Variants in ZNRF2 observed in about 807,000 individuals in gnomAD.
ZNRF2 encodes the protein E3 ubiquitin-protein ligase ZNRF2.
A neutral mutation model predicts 20.4 loss-of-function variants in ZNRF2; 16 were observed. The observed-to-expected ratio is 0.79, with a 90% CI of 0.53 to 1.19. The LOEUF (loss-of-function observed/expected upper bound fraction) is 1.19, where lower values mean the gene tolerates loss of function less well. Ranked by LOEUF, ZNRF2 falls within the 50% of genes most tolerant of loss-of-function variation. ZNRF2 has a pLI of 0.00. For missense variants in ZNRF2, 363 were observed against 332.4 expected, an observed-to-expected ratio of 1.09 and a Z score of -0.72; for synonymous variants, 178 against 144.9, an observed-to-expected ratio of 1.23 and a Z score of -1.64.
intron 3 of ZNRF2, among the ~76,000 whole-genome samples, chr7:30,361,265 G>T (rs1436448687): frequency 6.6e-6 from 1 of 152,184 alleles, no homozygotes; most frequent in Non-Finnish European, 1.5e-5. Context: ...AAGCCAAACT[G>T]GCTATATATT....
intron 2 of ZNRF2, among the ~76,000 whole-genome samples, chr7:30,340,666 C>T (rs768998170): frequency 4.6e-5 from 7 of 151,806 alleles, no homozygotes; most frequent in Non-Finnish European, 8.8e-5. Flanking sequence ...ATTTTCGCAT[C>T]GATGTTCATC....
intron 2 of ZNRF2, among the ~76,000 whole-genome samples, chr7:30,328,287 GGATTCC>G (rs1431638315): frequency 6.6e-6 from 1 of 152,050 alleles, no homozygotes; most frequent in African/African-American, 2.4e-5. Context: ...TTAGTCAACT[GGATTCC>G]TCACAATTTT....
chr7:30,324,330 T>C (rs1799519012), intron 2 of ZNRF2, among the ~76,000 whole-genome samples: 1 of 151,502 alleles, frequency 6.6e-6, no homozygotes, highest in Admixed American at 6.6e-5. Flanking sequence ...GATCCCAAGT[T>C]TGAGACCAGC....
chr7:30,338,686 T>A (rs1799753673), intron 2 of ZNRF2, among the ~76,000 whole-genome samples: 1 of 152,118 alleles, frequency 6.6e-6, no homozygotes, highest in South Asian at 2.1e-4. Flanking sequence ...TTGATGGCAT[T>A]TGGGTTGGTT....
chr7:30,322,900 A>G (rs934435856), intron 1 of ZNRF2, among the ~76,000 whole-genome samples: 5 of 152,196 alleles, frequency 3.3e-5, no homozygotes, highest in Non-Finnish European at 7.3e-5. Flanking sequence ...ACAGAGCTGA[A>G]TACATCAAAT....
chr7:30,352,128 C>T (rs1274491900), intron 2 of ZNRF2, among the ~76,000 whole-genome samples: 1 of 151,886 alleles, frequency 6.6e-6, no homozygotes, highest in Non-Finnish European at 1.5e-5. Context: ...AATTTCATCT[C>T]TAATATTTTG....
intron 2 of ZNRF2, among the ~76,000 whole-genome samples, chr7:30,336,280 G>A (rs1484121442): frequency 6.6e-6 from 1 of 152,048 alleles, no homozygotes; most frequent in Non-Finnish European, 1.5e-5. Context: ...ATTATCCGTA[G>A]CACTGCCTTG....
chr7:30,290,488 C>T (rs1301462739), intron 1 of ZNRF2, among the ~76,000 whole-genome samples: 1 of 152,164 alleles, frequency 6.6e-6, no homozygotes, highest in Non-Finnish European at 1.5e-5. Context: ...GGGTTATTGG[C>T]TGAATTTATT....
At chr7:30,345,956 A>G (rs1799869984) in intron 2 of ZNRF2, among the ~76,000 whole-genome samples, 1 of 151,364 alleles carries the variant, frequency 6.6e-6, no homozygotes, top group Non-Finnish European at 1.5e-5. Context: ...TACACTCTTT[A>G]TTTTTCTGTT....
chr7:30,336,341 G>C (rs527578939), intron 2 of ZNRF2, among the ~76,000 whole-genome samples: 1 of 149,376 alleles, frequency 6.7e-6, no homozygotes, highest in Non-Finnish European at 1.5e-5. Flanking sequence ...TGAGTAGTTT[G>C]GTATCTTCTC....
chr7:30,310,605 A>T (rs1015262700), intron 1 of ZNRF2, among the ~76,000 whole-genome samples: 1 of 152,192 alleles, frequency 6.6e-6, no homozygotes, highest in African/African-American at 2.4e-5. Context: ...TTTCTTTTTT[A>T]AAAAATTTTT....
intron 3 of ZNRF2, among the ~76,000 whole-genome samples, chr7:30,359,782 T>C (rs1481802574): frequency 2.6e-5 from 4 of 152,228 alleles, no homozygotes; most frequent in Non-Finnish European, 5.9e-5. Flanking sequence ...TACAGTCGTG[T>C]TCTATTTATT....
intron 4 of ZNRF2, among the ~76,000 whole-genome samples, chr7:30,365,469 C>A (rs1800198932): frequency 6.6e-6 from 1 of 152,130 alleles, no homozygotes; most frequent in South Asian, 2.1e-4. Context: ...GAGTCTGCTT[C>A]TGTGGGTCTT....
chr7:30,293,127 TGA>T (rs1798941508), intron 1 of ZNRF2, among the ~76,000 whole-genome samples: 1 of 152,084 alleles, frequency 6.6e-6, no homozygotes, highest in African/African-American at 2.4e-5. Context: ...TGTGGAGGTA[TGA>T]GAGAAAATGA....
At chr7:30,362,752 T>C (rs180955154) in intron 4 of ZNRF2, among the ~76,000 whole-genome samples, 1 of 152,114 alleles carries the variant, frequency 6.6e-6, no homozygotes, top group Non-Finnish European at 1.5e-5. Flanking sequence ...CTGTCTCTAC[T>C]AAAAATACAA....
chr7:30,352,918 C>T (rs904258927), intron 2 of ZNRF2, among the ~76,000 whole-genome samples: 2 of 152,054 alleles, frequency 1.3e-5, no homozygotes, highest in African/African-American at 4.8e-5. Context: ...ACAAGTCTTT[C>T]ACAATTGTGA....
At chr7:30,361,463 C>T (rs76688720) in intron 3 of ZNRF2, among the ~76,000 whole-genome samples, 87 of 152,212 alleles carry the variant, frequency 5.7e-4, no homozygotes, top group Non-Finnish European at 1.0e-3. Flanking sequence ...TGTAGCTTTG[C>T]GGCATATGCA....
At chr7:30,306,022 C>A (rs1407595772) in intron 1 of ZNRF2, among the ~76,000 whole-genome samples, 1 of 152,116 alleles carries the variant, frequency 6.6e-6, no homozygotes, top group Non-Finnish European at 1.5e-5. Flanking sequence ...GCCCAGTCAT[C>A]TAAACTCTCT....
intron 4 of ZNRF2, among the ~76,000 whole-genome samples, chr7:30,363,310 T>C (rs1345875967): frequency 6.6e-6 from 1 of 152,196 alleles, no homozygotes; most frequent in African/African-American, 2.4e-5. Context: ...GCATTTTACA[T>C]CTATTAGTAA....
Sources: allele counts gnomAD v4.1 joint callset (sites outside exome capture counted in the v4.1 genomes callset), GRCh38; gene constraint gnomAD v4.1.1; transcripts MANE v1.5; gene names NCBI Gene and HGNC (gene_info 2026-07-23, HGNC 2026-07-21).